SEMA5A: variants seen among roughly 807,000 people sequenced by gnomAD.
SEMA5A encodes the protein semaphorin-5A.
In SEMA5A, 55 loss-of-function variants were observed where a neutral mutation model predicts 135.5. That is an observed-to-expected ratio of 0.41 (90% CI 0.33 to 0.51). The LOEUF is 0.51. Ranked by LOEUF, SEMA5A falls within the 20% of genes least tolerant of loss-of-function variation. The pLI is 0.37. For missense variants in SEMA5A, 1,290 were observed against 1,419.9 expected (o/e 0.91, Z 1.47); for synonymous variants, 580 against 546.5 (o/e 1.06, Z -0.85).
intron 1 of SEMA5A, among the ~76,000 whole-genome samples, chr5:9,527,956 T>C (rs544234514): frequency 6.6e-6 from 1 of 152,338 alleles, no homozygotes; most frequent in East Asian, 1.9e-4. Context: ...ATCTTCTTCA[T>C]AGAATAAAAA....
At chr5:9,343,070 A>G (rs1753720055) in intron 3 of SEMA5A, among the ~76,000 whole-genome samples, 1 of 152,214 alleles carries the variant, frequency 6.6e-6, no homozygotes. Flanking sequence ...TCAACTATGG[A>G]CTAGAGAAAA....
chr5:9,440,203 C>T (rs1758183753), intron 1 of SEMA5A, among the ~76,000 whole-genome samples: 1 of 152,206 alleles, frequency 6.6e-6, no homozygotes, highest in Non-Finnish European at 1.5e-5. Context: ...GAAGCAGAGC[C>T]CCCGTGTCCT....
chr5:9,283,865 T>C (rs2150569904), intron 5 of SEMA5A, among the ~76,000 whole-genome samples: 1 of 152,296 alleles, frequency 6.6e-6, no homozygotes, highest in South Asian at 2.1e-4. Flanking sequence ...CTCTCTCCAG[T>C]GACTGTTCCC....
intron 3 of SEMA5A, among the ~76,000 whole-genome samples, chr5:9,353,542 G>A (rs1484339575): frequency 2.6e-5 from 4 of 152,076 alleles, no homozygotes; most frequent in African/African-American, 9.7e-5. Flanking sequence ...ATATCAATGT[G>A]GATTAGCTTA....
At chr5:9,386,380 A>T (rs1755891194) in intron 2 of SEMA5A, among the ~76,000 whole-genome samples, 1 of 152,186 alleles carries the variant, frequency 6.6e-6, no homozygotes, top group Non-Finnish European at 1.5e-5. Flanking sequence ...CCTTTCAAAA[A>T]AAAATCATGC....
At position 9,197,728 on chromosome 5, in the gene SEMA5A, T is replaced by TTGTATGTGTGTGTGTGTGTGTGTG. The variant is rs778921009; in HGVS notation, c.933-426_933-425insCACACACACACACACACACATACA. On this transcript the variant is annotated intron_variant, in intron 9 of 22. Transcript: ENST00000382496. Reference sequence around the variant, plus strand: ...TTTGCCCAGCAGCAGGGAAAGCTGTTTGTGTGTGTGTGTGTGTGTGTGTGT... The same window carrying TTGTATGTGTGTGTGTGTGTGTGTG: ...TTTGCCCAGCAGCAGGGAAAGCTGTTTGTATGTGTGTGTGTGTGTGTGTGTGTGTGTGTGTGTGTGTGTGTGTGT... Among the ~76,000 whole-genome samples the TTGTATGTGTGTGTGTGTGTGTGTG allele has an allele frequency of 1.8e-3, 107 of 59,286 alleles. 4 individuals are homozygous for TTGTATGTGTGTGTGTGTGTGTGTG. Among genetic ancestry groups the TTGTATGTGTGTGTGTGTGTGTGTG allele is most frequent in the Non-Finnish European group, 2.3e-3 (70 of 30,836 alleles). 38.9% of individuals were successfully genotyped at this position (59,286 alleles called of 152,430 possible). A position where few individuals can be genotyped will look rare whatever the true frequency, so the allele number is the denominator to read the frequency against.
chr5:9,050,452 A>T lies in SEMA5A; in HGVS notation c.2851T>A (p.Ser951Thr). The T allele has an allele frequency of 6.2e-7, 1 of 1,612,654 alleles. No homozygotes were observed. The highest frequency in any genetic ancestry group is 8.5e-7 in the Non-Finnish European group (1 of 1,179,408). ...TCTACGCTACTGGATCTTGCCACAGATACTTCTGGAAAAAGAAAAGTCGAA... is the reference window on the plus strand; with the variant it reads ...TCTACGCTACTGGATCTTGCCACAGTTACTTCTGGAAAAAGAAAAGTCGAA... ...VFDSNFIPEV[S>T]VARSSSVEEK... Residue 951 changes from serine to threonine, a missense_variant, in exon 21 of 23, where the codon TCT becomes ACT. Ser to Thr is a moderately conservative substitution (Grantham distance 58). Around this residue, in one of 3 missense-constraint regions of SEMA5A, gnomAD observed 1,029 missense variants for 1,086.6 expected, o/e 0.95. Coordinates refer to ENST00000382496, the MANE Select transcript of SEMA5A (RefSeq NM_003966.3).
intron 11 of SEMA5A, among the ~76,000 whole-genome samples, chr5:9,164,828 C>T (rs1018068497): frequency 2.6e-5 from 4 of 152,042 alleles, no homozygotes; most frequent in Admixed American, 6.6e-5. Context: ...AGAATTTTAG[C>T]TCCATCAACA....
At chr5:9,221,524 G>T (rs148872289) in intron 8 of SEMA5A, among the ~76,000 whole-genome samples, 26 of 151,042 alleles carry the variant, frequency 1.7e-4, no homozygotes, top group South Asian at 1.1e-3. Context: ...GGATGGTCTC[G>T]ATCTCCTGAC....
chr5:9,181,967 C>A (rs1434686416), intron 11 of SEMA5A, among the ~76,000 whole-genome samples: 1 of 151,972 alleles, frequency 6.6e-6, no homozygotes, highest in Non-Finnish European at 1.5e-5. Flanking sequence ...CAACTCACCC[C>A]AATCTCTCTG....
At chr5:9,138,864 T>C (rs1741908790) in intron 12 of SEMA5A, among the ~76,000 whole-genome samples, 1 of 152,252 alleles carries the variant, frequency 6.6e-6, no homozygotes, top group Admixed American at 6.5e-5. Context: ...ACGTTTGCTT[T>C]TCTATTCCTG....
At chr5:9,205,638 T>C (rs1745972643) in intron 8 of SEMA5A, among the ~76,000 whole-genome samples, 1 of 152,236 alleles carries the variant, frequency 6.6e-6, no homozygotes, top group Admixed American at 6.5e-5. Flanking sequence ...ACGTCCATTT[T>C]AGATAGAAAT....
At chr5:9,214,133 A>C (rs1263363254) in intron 8 of SEMA5A, among the ~76,000 whole-genome samples, 1 of 152,242 alleles carries the variant, frequency 6.6e-6, no homozygotes, top group Non-Finnish European at 1.5e-5. Flanking sequence ...ACTGCAAAGC[A>C]ACATGGTGAG....
intron 15 of SEMA5A, among the ~76,000 whole-genome samples, chr5:9,109,087 C>T (rs1740096780): frequency 8.4e-6 from 1 of 119,706 alleles, no homozygotes; most frequent in African/African-American, 3.3e-5. Flanking sequence ...GTCGCCCAGG[C>T]TGGAGTGCAG....
chr5:9,544,586 A>T (rs116044135), intron 1 of SEMA5A, among the ~76,000 whole-genome samples: 34 of 143,796 alleles, frequency 2.4e-4, no homozygotes, highest in African/African-American at 8.9e-4. Context: ...ACTCCCGCCC[A>T]CTCGCCCAGG....
intron 2 of SEMA5A, among the ~76,000 whole-genome samples, chr5:9,386,143 A>T (rs1755878021): frequency 6.6e-6 from 1 of 151,956 alleles, no homozygotes; most frequent in Non-Finnish European, 1.5e-5. Context: ...TGTTCTTTCC[A>T]TTTCTTAGCC....
At chr5:9,440,382 A>G (rs960213536) in intron 1 of SEMA5A, among the ~76,000 whole-genome samples, 1 of 152,244 alleles carries the variant, frequency 6.6e-6, no homozygotes, top group Non-Finnish European at 1.5e-5. Flanking sequence ...CCATTTAATA[A>G]GAAACTGCTT....
chr5:9,220,231 A>G (rs1451515218), intron 8 of SEMA5A, among the ~76,000 whole-genome samples: 1 of 152,194 alleles, frequency 6.6e-6, no homozygotes, highest in Non-Finnish European at 1.5e-5. Context: ...GTGGGGGATA[A>G]AAGACTATAT....
intron 6 of SEMA5A, among the ~76,000 whole-genome samples, chr5:9,234,291 G>A (rs1203862847): frequency 6.6e-6 from 1 of 152,188 alleles, no homozygotes; most frequent in Non-Finnish European, 1.5e-5. Flanking sequence ...GGGCTGCCTT[G>A]TTTCTTTCCC....
Sources: gnomAD v4.1 joint callset for allele counts (sites outside exome capture counted in the v4.1 genomes callset) on GRCh38, gnomAD v4.1.1 for gene constraint, gnomAD v4.1.1 regional missense constraint, MANE v1.5 for transcripts, NCBI Gene and HGNC (gene_info 2026-07-23, HGNC 2026-07-21) for gene names.